The following CDH4 variants were observed in gnomAD, a reference collection of about 807,000 sequenced individuals.
CDH4 encodes the protein cadherin-4.
In CDH4, 33 loss-of-function variants were observed where a neutral mutation model predicts 86.0. The ratio of observed to expected loss-of-function variants is 0.38; its 90% CI spans 0.29 to 0.51. CDH4 has a LOEUF of 0.51. Ranked by LOEUF, CDH4 falls within the 20% of genes least tolerant of loss-of-function variation. The probability of loss-of-function intolerance (pLI) is 0.86; values close to 1 mark genes in which losing one functional copy is unlikely to be tolerated. For missense variants in CDH4, 1,114 were observed against 1,307.4 expected, an observed-to-expected ratio of 0.85 and a Z score of 2.28; for synonymous variants, 555 against 549.4, an observed-to-expected ratio of 1.01 and a Z score of -0.14.
At chr20:61,575,222 T>C (rs999198751) in intron 2 of CDH4, among the ~76,000 whole-genome samples, 1 of 152,204 alleles carries the variant, frequency 6.6e-6, no homozygotes, top group Non-Finnish European at 1.5e-5. Context: ...TACCTCTAGG[T>C]TGACTCTTCA....
intron 2 of CDH4, among the ~76,000 whole-genome samples, chr20:61,404,834 A>AGG (rs1364887041): frequency 6.6e-6 from 1 of 151,820 alleles, no homozygotes; most frequent in Non-Finnish European, 1.5e-5. Flanking sequence ...GTGAATCATA[A>AGG]GGTCAGGAGA....
intron 2 of CDH4, among the ~76,000 whole-genome samples, chr20:61,404,526 G>A (rs561228137): frequency 2.0e-5 from 3 of 152,148 alleles, no homozygotes; most frequent in African/African-American, 4.8e-5. Context: ...TGGTTATGAC[G>A]ATCTGCAAGA....
chr20:61,883,654 G>A (rs542844361), intron 7 of CDH4, among the ~76,000 whole-genome samples: 9 of 152,322 alleles, frequency 5.9e-5, no homozygotes, highest in African/African-American at 1.9e-4. Context: ...CTCCACAGTC[G>A]GGTGTGACTG....
At chr20:61,720,373 C>G (rs2088022934) in intron 2 of CDH4, among the ~76,000 whole-genome samples, 1 of 151,808 alleles carries the variant, frequency 6.6e-6, no homozygotes, top group African/African-American at 2.4e-5. Flanking sequence ...GGGACACGTG[C>G]AGGGGTGCAG....
intron 2 of CDH4, among the ~76,000 whole-genome samples, chr20:61,463,105 ACT>A (rs1357414788): frequency 6.6e-6 from 1 of 151,604 alleles, no homozygotes; most frequent in East Asian, 1.9e-4. Flanking sequence ...CCCTGCACAA[ACT>A]CTCTCTTGCC....
chr20:61,661,650 A>G (rs544119249), intron 2 of CDH4, among the ~76,000 whole-genome samples: 1 of 152,008 alleles, frequency 6.6e-6, no homozygotes, highest in African/African-American at 2.4e-5. Context: ...AGGACCATGG[A>G]TCCTTCGTGT....
intron 2 of CDH4, among the ~76,000 whole-genome samples, chr20:61,677,282 AACTT>A (rs984534315): frequency 1.4e-4 from 21 of 152,136 alleles, no homozygotes; most frequent in African/African-American, 4.8e-4. Context: ...AAGGGCATTT[AACTT>A]ACTTAAGATG....
chr20:61,852,456 A>G (rs192304379), intron 5 of CDH4, among the ~76,000 whole-genome samples: 1 of 152,344 alleles, frequency 6.6e-6, no homozygotes, highest in Non-Finnish European at 1.5e-5. Context: ...GGCTCACGGA[A>G]CAGTCGGGCA....
chr20:61,496,300 G>A (rs2085662002), intron 2 of CDH4, among the ~76,000 whole-genome samples: 1 of 152,004 alleles, frequency 6.6e-6, no homozygotes, highest in Admixed American at 6.6e-5. Flanking sequence ...TATTCAGGAT[G>A]CTGAGGCAGG....
In CDH4 at chr20:61,417,545, T is replaced by C. The variant is rs764735929; in HGVS notation, c.169+162608T>C. The stretch of plus-strand genomic sequence containing the variant: ...GGAACATCTCCCCTTCTGGGTTGAT[T>C]ACTGTCAACAACTGTCATCCCTCCC... On this transcript the variant is annotated intron_variant, in intron 2 of 15. Coordinates refer to ENST00000614565, the MANE Select transcript of CDH4 (RefSeq NM_001794.5). The surrounding 1 kb of genome is among the most constrained non-coding windows in gnomAD (Gnocchi z 4.0). 6.6e-6 allele frequency among the ~76,000 whole-genome samples: 1 copy of C among 152,216 alleles called. No individual in the cohort carries two copies. Among genetic ancestry groups the C allele is most frequent in the Non-Finnish European group, 1.5e-5 (1 of 68,054 alleles).
intron 2 of CDH4, among the ~76,000 whole-genome samples, chr20:61,608,059 C>T (rs2086658205): frequency 6.6e-6 from 1 of 152,114 alleles, no homozygotes; most frequent in African/African-American, 2.4e-5. Flanking sequence ...CCCCTCTCTG[C>T]ATCTCCCCCT....
intron 3 of CDH4, among the ~76,000 whole-genome samples, chr20:61,760,854 A>G (rs2088625183): frequency 6.6e-6 from 1 of 152,216 alleles, no homozygotes; most frequent in Non-Finnish European, 1.5e-5. Flanking sequence ...GATGTAAGAA[A>G]AAAATCCACT....
At chr20:61,793,644 A>T (rs2146019851) in intron 4 of CDH4, among the ~76,000 whole-genome samples, 1 of 151,792 alleles carries the variant, frequency 6.6e-6, no homozygotes, top group African/African-American at 2.4e-5. Context: ...GTTCAAGACC[A>T]GCCTGGCCAA....
chr20:61,262,501 G>A (rs73311200), intron 2 of CDH4, among the ~76,000 whole-genome samples: 20,712 of 152,134 alleles, frequency 0.14, 1,502 homozygotes, highest in African/African-American at 0.17. Context: ...ACTGCGTGGC[G>A]ACTGGGTTGG....
At chr20:61,535,786 G>GA (rs1370442031) in intron 2 of CDH4, among the ~76,000 whole-genome samples, 1 of 152,182 alleles carries the variant, frequency 6.6e-6, no homozygotes, top group Non-Finnish European at 1.5e-5. Flanking sequence ...ACTCGCCCCT[G>GA]AGCCGCCATG....
At chr20:61,767,969 G>A (rs933378706) in intron 3 of CDH4, among the ~76,000 whole-genome samples, 2 of 152,212 alleles carry the variant, frequency 1.3e-5, no homozygotes, top group African/African-American at 4.8e-5. Context: ...TGAGTGGATG[G>A]AGGCGACAGT....
At position 61,743,862 on chromosome 20, in the gene CDH4, C is replaced by T. The variant is rs77944528; in HGVS notation, c.396+73C>T. On this transcript the variant is annotated intron_variant, in intron 3 of 15. Transcript: ENST00000614565. ...TCCTCCTGCAGGCCCTGGGCAGAGC[C>T]TCTGCCAGGGCTCCCACAGGACAGA... The T allele has an allele frequency of 6.8e-6, 8 of 1,171,280 alleles. No individual in the cohort carries two copies. The East Asian group carries it at 2.0e-4, about 30-fold the overall frequency. The allele number at this position is 1,171,280 out of a possible 1,614,324, so 72.6% of individuals were successfully genotyped here.
chr20:61,841,421 A>G (rs1410971695), intron 4 of CDH4, among the ~76,000 whole-genome samples: 1 of 151,792 alleles, frequency 6.6e-6, no homozygotes, highest in East Asian at 1.9e-4. Context: ...GTTGCCCCAT[A>G]CCCCCTCGTG....
At chr20:61,460,145 G>A (rs1345240027) in intron 2 of CDH4, among the ~76,000 whole-genome samples, 1 of 152,144 alleles carries the variant, frequency 6.6e-6, no homozygotes, top group African/African-American at 2.4e-5. Context: ...AAAACTCAAG[G>A]AGAAAGGCTG....
Sources: gnomAD v4.1 joint callset for allele counts (sites outside exome capture counted in the v4.1 genomes callset) on GRCh38, gnomAD v4.1.1 for gene constraint, Gnocchi (gnomAD v3.1) non-coding constraint, MANE v1.5 for transcripts, NCBI Gene and HGNC (gene_info 2026-07-23, HGNC 2026-07-21) for gene names.